Variants in TEAD1 observed in about 807,000 individuals in gnomAD.
TEAD1 encodes the protein transcriptional enhancer factor TEF-1.
TEAD1 carries 9 observed loss-of-function variants against 54.9 expected under a neutral mutation model. That is an observed-to-expected ratio of 0.16 (90% CI 0.10 to 0.29). The LOEUF is 0.29. Among genes scored for constraint, TEAD1 ranks in the 10% least tolerant of loss-of-function variants. The pLI is 1.00. For missense variants in TEAD1, 387 were observed against 535.9 expected, an observed-to-expected ratio of 0.72 and a Z score of 2.74; for synonymous variants, 200 against 187.8, an observed-to-expected ratio of 1.07 and a Z score of -0.53.
intron 9 of TEAD1, among the ~76,000 whole-genome samples, chr11:12,887,805 A>T (rs1051795218): frequency 6.6e-6 from 1 of 152,196 alleles, no homozygotes; most frequent in Non-Finnish European, 1.5e-5. Context: ...CAGTACTTAA[A>T]ATATAACATC....
rs956371242 is a variant in TEAD1 at position 12,940,712 on chromosome 11, G to T, written c.*3490G>T. The T allele has an allele frequency of 1.3e-5, 2 of 151,846 alleles. No homozygotes were observed. Among genetic ancestry groups the T allele is most frequent in the African/African-American group, 4.8e-5 (2 of 41,310 alleles). 9.4% of individuals were successfully genotyped at this position (151,846 alleles called of 1,614,324 possible). A position where few individuals can be genotyped will look rare whatever the true frequency, so the allele number is the denominator to read the frequency against. ...TTGACCTTCATCCCTTAGTTTACTG[G>T]CGTTAAAAAAAGTCTCAGCAATTTT... On this transcript the variant is annotated 3_prime_UTR_variant, in exon 13 of 13. Transcript: ENST00000527636.
At chr11:12,833,947 G>C (rs1246583196) in intron 3 of TEAD1, among the ~76,000 whole-genome samples, 1 of 152,160 alleles carries the variant, frequency 6.6e-6, no homozygotes, top group Admixed American at 6.5e-5. Flanking sequence ...CCTTGGGCGT[G>C]GGCTGTGTCT....
chr11:12,773,977 A>G (rs1242455924), intron 3 of TEAD1, among the ~76,000 whole-genome samples: 2 of 152,160 alleles, frequency 1.3e-5, no homozygotes, highest in South Asian at 2.1e-4. Context: ...CATTGTCATG[A>G]TTCTGTGATT....
chr11:12,699,515 C>A (rs1182424208), intron 2 of TEAD1, among the ~76,000 whole-genome samples: 1 of 152,114 alleles, frequency 6.6e-6, no homozygotes, highest in Non-Finnish European at 1.5e-5. Context: ...AGAGTCATGC[C>A]AGCCTTTGCA....
At chr11:12,678,779 C>G (rs1324795996) in intron 2 of TEAD1, among the ~76,000 whole-genome samples, 2 of 152,096 alleles carry the variant, frequency 1.3e-5, no homozygotes, top group African/African-American at 2.4e-5. Context: ...TCTTGAGTGT[C>G]CTCAATCTGT....
chr11:12,874,054 T>C (rs1387113689), intron 5 of TEAD1, among the ~76,000 whole-genome samples: 1 of 152,230 alleles, frequency 6.6e-6, no homozygotes, highest in Admixed American at 6.5e-5. Context: ...GATGGACTTC[T>C]ATATGAATAA....
chr11:12,837,725 T>G (rs988488146), intron 3 of TEAD1, among the ~76,000 whole-genome samples: 16 of 108,944 alleles, frequency 1.5e-4, no homozygotes, highest in African/African-American at 5.9e-4. Context: ...CTTCTCCTTC[T>G]TCTTCTCCTC....
chr11:12,837,657 C>CTCCTTCTTCT (rs1000490380), intron 3 of TEAD1, among the ~76,000 whole-genome samples: 3 of 143,290 alleles, frequency 2.1e-5, no homozygotes, highest in African/African-American at 7.7e-5. Flanking sequence ...CTCTCTTTCT[C>CTCCTTCTTCT]TCCTTCTTCT....
chr11:12,716,090 C>A (rs1450943265), intron 2 of TEAD1, among the ~76,000 whole-genome samples: 1 of 151,902 alleles, frequency 6.6e-6, no homozygotes, highest in East Asian at 1.9e-4. Flanking sequence ...AGCCTGGTGA[C>A]TTAGGATGGG....
intron 10 of TEAD1, among the ~76,000 whole-genome samples, chr11:12,917,093 G>A (rs1398142023): frequency 1.3e-5 from 2 of 152,188 alleles, no homozygotes; most frequent in Non-Finnish European, 2.9e-5. Flanking sequence ...ATTAAAAGTT[G>A]TTAATCAGCA....
intron 10 of TEAD1, among the ~76,000 whole-genome samples, chr11:12,916,338 T>C (rs61878802): frequency 0.12 from 17,794 of 152,124 alleles, 1,138 homozygotes; most frequent in Middle Eastern, 0.19. Flanking sequence ...AAACGTGGGT[T>C]GGGGCCAAGA....
intron 3 of TEAD1, among the ~76,000 whole-genome samples, chr11:12,852,159 G>C (rs534328404): frequency 6.6e-6 from 1 of 152,280 alleles, no homozygotes; most frequent in African/African-American, 2.4e-5. Flanking sequence ...GAATGACAGT[G>C]GTCTGGGGAA....
chr11:12,688,984 T>G (rs1162778660), intron 2 of TEAD1, among the ~76,000 whole-genome samples: 1 of 152,072 alleles, frequency 6.6e-6, no homozygotes, highest in African/African-American at 2.4e-5. Flanking sequence ...CTTCCCCTCT[T>G]GCTGGATTTC....
At chr11:12,888,603 G>GC (rs1459290269) in intron 9 of TEAD1, among the ~76,000 whole-genome samples, 7 of 152,118 alleles carry the variant, frequency 4.6e-5, no homozygotes, top group African/African-American at 1.7e-4. Flanking sequence ...CTTAGAACCA[G>GC]CATTTTCTGA....
At chr11:12,836,158 C>A (rs377481398) in intron 3 of TEAD1, among the ~76,000 whole-genome samples, 1 of 152,112 alleles carries the variant, frequency 6.6e-6, no homozygotes, top group Non-Finnish European at 1.5e-5. Context: ...TGGTGGCTCA[C>A]GCCTGTAATC....
At chr11:12,837,779 C>CTCTTCTTCCTTCTTCTTCCT (rs71037089) in intron 3 of TEAD1, among the ~76,000 whole-genome samples, 7 of 138,616 alleles carry the variant, frequency 5.0e-5, no homozygotes, top group Middle Eastern at 3.7e-3. Flanking sequence ...CCTTCTCTTC[C>CTCTTCTTCCTTCTTCTTCCT]TCTTCTTCCT....
intron 3 of TEAD1, among the ~76,000 whole-genome samples, chr11:12,765,447 AG>A (rs956574089): frequency 6.6e-6 from 1 of 152,188 alleles, no homozygotes; most frequent in African/African-American, 2.4e-5. Context: ...ATTTTACCTG[AG>A]GTTGTTAACT....
intron 9 of TEAD1, among the ~76,000 whole-genome samples, chr11:12,891,712 A>G (rs1325394963): frequency 1.3e-5 from 2 of 152,208 alleles, no homozygotes; most frequent in Non-Finnish European, 2.9e-5. Context: ...TGGCTAATAG[A>G]TGGCAGGGTT....
At chr11:12,820,039 G>A (rs1590182781) in intron 3 of TEAD1, among the ~76,000 whole-genome samples, 1 of 151,452 alleles carries the variant, frequency 6.6e-6, no homozygotes, top group East Asian at 2.0e-4. Flanking sequence ...GGAGTTGTGG[G>A]GAGGGAGGGT....
Sources: gnomAD v4.1 joint callset for allele counts (sites outside exome capture counted in the v4.1 genomes callset) on GRCh38, gnomAD v4.1.1 for gene constraint, MANE v1.5 for transcripts, NCBI Gene and HGNC (gene_info 2026-07-23, HGNC 2026-07-21) for gene names.